MACROD2: variants seen among roughly 807,000 people sequenced by gnomAD.
The protein encoded by MACROD2 is mono-ADP ribosylhydrolase 2.
Under a neutral mutation model 70.4 loss-of-function variants are expected in MACROD2, and 36 were observed. The observed-to-expected ratio is 0.51, with a 90% CI of 0.39 to 0.68. The LOEUF (loss-of-function observed/expected upper bound fraction) is 0.68, where lower values mean the gene tolerates loss of function less well. Among genes scored for constraint, MACROD2 ranks in the 30% least tolerant of loss-of-function variants. MACROD2 has a pLI of 0.00. For missense variants in MACROD2, 496 were observed against 538.4 expected, an observed-to-expected ratio of 0.92 and a Z score of 0.78; for synonymous variants, 172 against 178.8, an observed-to-expected ratio of 0.96 and a Z score of 0.30.
chr20:15,592,100 T>A (rs1406131152), intron 8 of MACROD2, among the ~76,000 whole-genome samples: 1 of 152,230 alleles, frequency 6.6e-6, no homozygotes. Context: ...CATTTGCTAC[T>A]CGGTAGCTGT....
At chr20:14,421,855 G>A (rs1210790984) in intron 3 of MACROD2, among the ~76,000 whole-genome samples, 3 of 152,020 alleles carry the variant, frequency 2.0e-5, no homozygotes, top group Non-Finnish European at 4.4e-5. Flanking sequence ...ATGTATGCTT[G>A]AAAAATGAGT....
chr20:15,908,794 G>T (rs2065187806), intron 10 of MACROD2, among the ~76,000 whole-genome samples: 1 of 152,012 alleles, frequency 6.6e-6, no homozygotes, highest in South Asian at 2.1e-4. Context: ...TTTTTGTTTG[G>T]ATACTAAGCC....
rs200860242 is a variant in MACROD2 at position 15,357,798 on chromosome 20, CTTTTTTTTTTT to C, written c.541-73592_541-73582del. Among the ~76,000 whole-genome samples, 7 of 135,718 alleles carry C rather than the reference CTTTTTTTTTTT, an allele frequency of 5.2e-5. No individual in the cohort carries two copies. The South Asian group carries it at 9.2e-4, about 18-fold the overall frequency. 89.0% of individuals were successfully genotyped at this position (135,718 alleles called of 152,430 possible). A position where few individuals can be genotyped will look rare whatever the true frequency, so the allele number is the denominator to read the frequency against. On this transcript the variant is annotated intron_variant, in intron 6 of 17. Coordinates refer to ENST00000684519, the MANE Select transcript of MACROD2 (RefSeq NM_001351661.2). ...ACCACATTCTTACTGTTCATTCATT[CTTTTTTTTTTT>C]TTTTTTTTTTTTTTCAAGACAGAGT...
At chr20:14,564,942 T>A (rs1979682555) in intron 4 of MACROD2, among the ~76,000 whole-genome samples, 1 of 151,876 alleles carries the variant, frequency 6.6e-6, no homozygotes, top group Admixed American at 6.6e-5. Flanking sequence ...ACCTAAATGT[T>A]GATCGAGGAA....
intron 8 of MACROD2, chr20:15,552,709 C>A (rs955143046): frequency 7.2e-5 from 11 of 152,186 alleles, no homozygotes; most frequent in Non-Finnish European, 1.3e-4. Context: ...GAATTTAATG[C>A]CTCCAAGGGC....
chr20:14,678,015 A>G (rs1172181160), intron 4 of MACROD2, among the ~76,000 whole-genome samples: 2 of 152,214 alleles, frequency 1.3e-5, no homozygotes, highest in African/African-American at 2.4e-5. Context: ...AACATCCCCA[A>G]ATTGTAGTGG....
chr20:15,249,157 C>T (rs1327461546), intron 6 of MACROD2, among the ~76,000 whole-genome samples: 4 of 152,164 alleles, frequency 2.6e-5, no homozygotes, highest in Non-Finnish European at 2.9e-5. Flanking sequence ...CCTCCTTGTT[C>T]GAGATCTCCC....
intron 3 of MACROD2, among the ~76,000 whole-genome samples, chr20:14,243,373 A>G (rs941740620): frequency 1.3e-5 from 2 of 152,162 alleles, no homozygotes; most frequent in East Asian, 1.9e-4. Context: ...TTTTTCATCT[A>G]CAAGTTTACT....
chr20:15,526,659 G>T (rs1210290672), intron 8 of MACROD2, among the ~76,000 whole-genome samples: 1 of 152,204 alleles, frequency 6.6e-6, no homozygotes, highest in African/African-American at 2.4e-5. Context: ...AGATGCAGAA[G>T]TTGGATCTAC....
At chr20:14,052,699 A>ATTTT (rs897468752) in intron 2 of MACROD2, among the ~76,000 whole-genome samples, 15 of 147,846 alleles carry the variant, frequency 1.0e-4, no homozygotes, top group African/African-American at 3.2e-4. Flanking sequence ...TTGCAAACAG[A>ATTTT]TTTTTTTTTT....
At chr20:15,353,411 C>G (rs1029458100) in intron 6 of MACROD2, among the ~76,000 whole-genome samples, 8 of 152,100 alleles carry the variant, frequency 5.3e-5, no homozygotes, top group African/African-American at 1.9e-4. Flanking sequence ...TGGAAGAAAA[C>G]CTAGGCAATA....
At chr20:14,720,536 C>CCTTT (rs2071453300) in intron 5 of MACROD2, among the ~76,000 whole-genome samples, 2 of 35,946 alleles carry the variant, frequency 5.6e-5, no homozygotes, top group Non-Finnish European at 4.8e-5. Context: ...TGCCCCACAA[C>CCTTT]TTTTTTTTTT....
chr20:16,011,866 C>G (rs541744385), intron 15 of MACROD2, among the ~76,000 whole-genome samples: 1 of 152,188 alleles, frequency 6.6e-6, no homozygotes, highest in Non-Finnish European at 1.5e-5. Flanking sequence ...GATCAAGGCT[C>G]CACATCTCAA....
chr20:16,031,356 A>G (rs2147582186), intron 15 of MACROD2, among the ~76,000 whole-genome samples: 1 of 152,302 alleles, frequency 6.6e-6, no homozygotes, highest in Admixed American at 6.5e-5. Flanking sequence ...AGAAATCATT[A>G]TCGTTATCAT....
intron 8 of MACROD2, among the ~76,000 whole-genome samples, chr20:15,639,463 C>T (rs190002218): frequency 1.6e-4 from 24 of 152,294 alleles, no homozygotes; most frequent in African/African-American, 5.8e-4. Flanking sequence ...TCCCTACTCT[C>T]CTCAGCCCCC....
intron 3 of MACROD2, among the ~76,000 whole-genome samples, chr20:14,117,163 T>A (rs1191533626): frequency 6.6e-6 from 1 of 152,184 alleles, no homozygotes; most frequent in East Asian, 1.9e-4. Context: ...TATTTCCCTA[T>A]CGCTTTATCT....
At chr20:15,776,518 T>C (rs8123202) in intron 8 of MACROD2, among the ~76,000 whole-genome samples, 4,197 of 152,230 alleles carry the variant, frequency 0.028, 213 homozygotes, top group African/African-American at 0.096. Flanking sequence ...TCCTAGTCTG[T>C]CATCTTGACG....
At chr20:15,473,029 C>T (rs1298741779) in intron 7 of MACROD2, among the ~76,000 whole-genome samples, 1 of 152,178 alleles carries the variant, frequency 6.6e-6, no homozygotes, top group Non-Finnish European at 1.5e-5. Context: ...TTGTCTTAAT[C>T]CTAATAGAAA....
At chr20:14,284,300 G>A (rs189210521) in intron 3 of MACROD2, among the ~76,000 whole-genome samples, 20 of 152,204 alleles carry the variant, frequency 1.3e-4, no homozygotes, top group African/African-American at 4.8e-4. Flanking sequence ...AAAAATATTT[G>A]GTGGAAAGAC....
Sources: allele counts gnomAD v4.1 joint callset (sites outside exome capture counted in the v4.1 genomes callset), GRCh38; gene constraint gnomAD v4.1.1; transcripts MANE v1.5; gene names NCBI Gene and HGNC (gene_info 2026-07-23, HGNC 2026-07-21).